Variants in FLT3 observed in about 807,000 individuals in gnomAD.
FLT3 encodes the protein receptor-type tyrosine-protein kinase FLT3.
A neutral mutation model predicts 126.6 loss-of-function variants in FLT3; 46 were observed. That is an observed-to-expected ratio of 0.36 (90% CI 0.29 to 0.46). The LOEUF (loss-of-function observed/expected upper bound fraction) is 0.46, where lower values mean the gene tolerates loss of function less well. FLT3 is among the 20% of genes least tolerant of loss of function. FLT3 has a pLI of 1.00. For synonymous variants in FLT3, 404 were observed against 434.4 expected (o/e 0.93, Z 0.87); for missense variants, 1,069 against 1,190.3 (o/e 0.90, Z 1.50).
intron 1 of FLT3, among the ~76,000 whole-genome samples, chr13:28,075,321 G>A (rs1039924135): frequency 2.0e-5 from 3 of 152,038 alleles, no homozygotes; most frequent in African/African-American, 7.2e-5. Context: ...AATATTCAAC[G>A]TGATGATTAC....
At chr13:28,098,229 C>T (rs1349429060) in intron 1 of FLT3, among the ~76,000 whole-genome samples, 2 of 149,648 alleles carry the variant, frequency 1.3e-5, no homozygotes, top group Non-Finnish European at 3.0e-5. Context: ...GCAGGAGAAT[C>T]GCTTGAACCT....
chr13:28,087,662 A>G (rs1018374097), intron 1 of FLT3, among the ~76,000 whole-genome samples: 5 of 152,156 alleles, frequency 3.3e-5, no homozygotes, highest in East Asian at 3.9e-4. Context: ...AATTACATGT[A>G]TATCTGACGA....
At position 28,015,281 on chromosome 13, in the gene FLT3, A is replaced by G. The variant is rs376093879; in HGVS notation, c.2654-25T>C. The G allele has an allele frequency of 4.9e-5, 68 of 1,387,448 alleles. No homozygotes were observed. In the African/African-American group the frequency reaches 8.5e-4, roughly 17 times the overall value. 85.9% of individuals were successfully genotyped at this position (1,387,448 alleles called of 1,614,324 possible). ...CCTGAGGAAAACATTAGACAATTGC[A>G]GCCATTCATCCATTTCTTCATTTGT... is the stretch of plus-strand genomic sequence containing the variant. On this transcript the variant is annotated intron_variant, in intron 21 of 23. Transcript: ENST00000241453.
intron 2 of FLT3, among the ~76,000 whole-genome samples, chr13:28,067,099 C>T (rs921107050): frequency 5.9e-5 from 9 of 152,128 alleles, no homozygotes; most frequent in East Asian, 1.9e-4. Context: ...TTCAGCTCAC[C>T]GCAACCTCCG....
At chr13:28,012,780 CA>C (rs1242230624) in intron 23 of FLT3, among the ~76,000 whole-genome samples, 1 of 151,210 alleles carries the variant, frequency 6.6e-6, no homozygotes, top group Non-Finnish European at 1.5e-5. Flanking sequence ...ACCAAAAATA[CA>C]AAAAAAATAG....
intron 1 of FLT3, among the ~76,000 whole-genome samples, chr13:28,098,418 C>A (rs1188338253): frequency 1.3e-5 from 2 of 151,880 alleles, no homozygotes; most frequent in Non-Finnish European, 2.9e-5. Context: ...TTAAAGTTCT[C>A]ATGTTTAAGC....
At chr13:28,015,021 C>T in intron 22 of FLT3, 136 bp downstream of exon 22, 1 of 616,406 alleles carries the variant, frequency 1.6e-6, no homozygotes, top group Non-Finnish European at 2.9e-6. Context: ...CACAGCAAGA[C>T]CTCACTTCTA....
At chr13:28,071,719 C>T (rs1023761026) in intron 1 of FLT3, among the ~76,000 whole-genome samples, 3 of 152,150 alleles carry the variant, frequency 2.0e-5, no homozygotes, top group Non-Finnish European at 2.9e-5. Context: ...TTGCTTGCTG[C>T]CTGTGTCCTG....
chr13:28,042,904 C>T (rs1443890413), intron 9 of FLT3, among the ~76,000 whole-genome samples: 2 of 151,232 alleles, frequency 1.3e-5, no homozygotes, highest in East Asian at 1.9e-4. Context: ...ACTCCTCTCC[C>T]AGGCTCCATA....
At chr13:28,082,749 G>A (rs1432646752) in intron 1 of FLT3, among the ~76,000 whole-genome samples, 1 of 151,960 alleles carries the variant, frequency 6.6e-6, no homozygotes, top group African/African-American at 2.4e-5. Flanking sequence ...TGTCGCCCAG[G>A]CTGGAGTGCA....
chr13:28,057,479 A>C lies in FLT3; in HGVS notation c.369-17T>G. 8.8e-7 allele frequency: 1 copy of C among 1,136,458 alleles called. No individual in the cohort carries two copies. The highest frequency in any genetic ancestry group is 2.3e-5 in the East Asian group (1 of 42,680). The allele number at this position is 1,136,458 out of a possible 1,614,324, so 70.4% of individuals were successfully genotyped here. The stretch of plus-strand genomic sequence containing the variant: ...ACAACTCCTCTGCAAAACAGGAAAG[A>C]GAACTAGTTATTTTGGAAAATGTGT... On this transcript the variant is annotated splice_polypyrimidine_tract_variant and intron_variant, in intron 3 of 23. Transcript: ENST00000241453.
intron 2 of FLT3, among the ~76,000 whole-genome samples, chr13:28,063,683 A>C (rs535188836): frequency 3.8e-5 from 2 of 52,180 alleles, no homozygotes; most frequent in South Asian, 9.7e-4. Flanking sequence ...TTCTGGTCTT[A>C]TTTGTTCACT....
intron 1 of FLT3, among the ~76,000 whole-genome samples, chr13:28,088,358 G>C (rs1475005125): frequency 6.6e-6 from 1 of 151,726 alleles, no homozygotes; most frequent in Admixed American, 6.6e-5. Context: ...CACAATCTCA[G>C]CTCACTGCAA....
At position 28,037,287 on chromosome 13, in the gene FLT3, T is replaced by C. The variant is rs754582231; in HGVS notation, c.1207A>G (p.Ile403Val). ...EQKGLDNGYS[I>V]SKFCNHKHQP... Reference sequence around the variant, plus strand: ...TGCTTATGATTGCAAAACTTGGATATGCTGTTTGAAAAAGAATTAAAGACA... The same window carrying C: ...TGCTTATGATTGCAAAACTTGGATACGCTGTTTGAAAAAGAATTAAAGACA... Residue 403 changes from isoleucine to valine, a missense_variant and splice_region_variant, in exon 10 of 24, where the codon ATA becomes GTA. Ile to Val is a conservative substitution (Grantham distance 29, BLOSUM62 3). Transcript: ENST00000241453. The C allele has an allele frequency of 1.1e-5, 17 of 1,592,498 alleles. No homozygotes were observed. The highest frequency in any genetic ancestry group is 1.5e-5 in the Non-Finnish European group (17 of 1,161,078).
At chr13:28,079,600 T>C (rs1181667708) in intron 1 of FLT3, among the ~76,000 whole-genome samples, 1 of 152,172 alleles carries the variant, frequency 6.6e-6, no homozygotes, top group Non-Finnish European at 1.5e-5. Flanking sequence ...CAGTTCCACA[T>C]GGCTGGGAGG....
chr13:28,069,718 C>T (rs1202220333), intron 2 of FLT3, among the ~76,000 whole-genome samples: 1 of 152,096 alleles, frequency 6.6e-6, no homozygotes, highest in East Asian at 1.9e-4. Context: ...CATCATTATT[C>T]CCTAAACAAT....
intron 1 of FLT3, among the ~76,000 whole-genome samples, chr13:28,090,637 G>C (rs987023577): frequency 3.3e-5 from 5 of 152,044 alleles, no homozygotes; most frequent in Non-Finnish European, 7.4e-5. Flanking sequence ...AACTACCCTA[G>C]TGTGGTGGTG....
intron 1 of FLT3, among the ~76,000 whole-genome samples, chr13:28,096,820 C>G (rs59427352): frequency 0.025 from 3,764 of 152,132 alleles, 136 homozygotes; most frequent in African/African-American, 0.085. Flanking sequence ...AATACTTTTC[C>G]TGGGGAAAGG....
At chr13:28,083,255 CT>C (rs1005772352) in intron 1 of FLT3, among the ~76,000 whole-genome samples, 14 of 150,806 alleles carry the variant, frequency 9.3e-5, no homozygotes, top group Admixed American at 2.7e-4. Context: ...TGGTTTTGTT[CT>C]TTTTTTTTAG....
Sources: gnomAD v4.1 joint callset for allele counts (sites outside exome capture counted in the v4.1 genomes callset) on GRCh38, gnomAD v4.1.1 for gene constraint, MANE v1.5 for transcripts, NCBI Gene and HGNC (gene_info 2026-07-23, HGNC 2026-07-21) for gene names.